Variants in MGP observed in about 807,000 individuals in gnomAD.
MGP encodes the protein cell growth-inhibiting gene 36 protein.
Under a neutral mutation model 14.5 loss-of-function variants are expected in MGP, and 13 were observed. That is an observed-to-expected ratio of 0.89 (90% CI 0.58 to 1.42). MGP has a LOEUF of 1.42. Ranked by LOEUF, MGP falls within the 40% of genes most tolerant of loss-of-function variation. The pLI, the probability that MGP is intolerant of heterozygous loss-of-function variation, is 0.00. For synonymous variants in MGP, 44 were observed against 46.3 expected, an observed-to-expected ratio of 0.95 and a Z score of 0.20; for missense variants, 128 against 133.7, an observed-to-expected ratio of 0.96 and a Z score of 0.21.
intron 1 of MGP, chr12:14,884,800 G>A: frequency 6.5e-7 from 1 of 1,530,306 alleles, no homozygotes. Flanking sequence ...ACTAGCTCCA[G>A]CTGACAGCTC....
intron 1 of MGP, 72 bp downstream of exon 1, chr12:14,885,659 A>T (rs950317984): frequency 9.0e-6 from 10 of 1,114,566 alleles, no homozygotes; most frequent in Non-Finnish European, 1.4e-5. Flanking sequence ...GAGGAGGGAG[A>T]GGAAAAATAG....
chr12:14,885,035 T>C, intron 1 of MGP: 1 of 548,448 alleles, frequency 1.8e-6, no homozygotes. Flanking sequence ...AGCATAATCT[T>C]TATGGTTGTT....
intron 2 of MGP, 161 bp downstream of exon 2, chr12:14,884,052 G>T: frequency 3.6e-6 from 2 of 548,404 alleles, no homozygotes; most frequent in Non-Finnish European, 3.1e-6. Flanking sequence ...TTGCTCCTTT[G>T]GCAATTTTTA....
chr12:14,884,897 G>A, intron 1 of MGP: 1 of 1,529,864 alleles, frequency 6.5e-7, no homozygotes, highest in South Asian at 1.2e-5. Context: ...CCTGAGCACA[G>A]CAGATAAATT....
chr12:14,884,112 T>C lies in MGP; in HGVS notation c.94+101A>G, dbSNP rs570989229. 1.1e-4 allele frequency: 112 copies of C among 980,286 alleles called. 2 individuals carry two copies. The South Asian group carries it at 1.9e-3, about 17-fold the overall frequency. The allele number at this position is 980,286 out of a possible 1,614,324, so 60.7% of individuals were successfully genotyped here. A position where few individuals can be genotyped will look rare whatever the true frequency, so the allele number is the denominator to read the frequency against. On this transcript the variant is annotated intron_variant, in intron 2 of 3. Transcript: ENST00000539261. Reference sequence around the variant, plus strand: ...TTTAGTTTTCCAAAAGAGGCCCCCTTTTCCCTCCCTGTTATATATCTTTCC... The same window carrying C: ...TTTAGTTTTCCAAAAGAGGCCCCCTCTTCCCTCCCTGTTATATATCTTTCC...
chr12:14,885,296 A>C lies in MGP; in HGVS notation c.61+435T>G, dbSNP rs537247384. Among the ~76,000 whole-genome samples, 9 of 152,382 alleles carry C rather than the reference A, an allele frequency of 5.9e-5. No individual in the cohort carries two copies. In the East Asian group the frequency reaches 1.7e-3, roughly 29 times the overall value. On this transcript the variant is annotated intron_variant, in intron 1 of 3. Transcript: ENST00000539261. The stretch of plus-strand genomic sequence containing the variant: ...TTAACTGAACAAACATAGTAAGTTC[A>C]TGAGATTGTCCAGTCCCTAGAAAGG...
chr12:14,884,050 T>C (rs1863411825), intron 2 of MGP, 163 bp downstream of exon 2: 1 of 544,152 alleles, frequency 1.8e-6, no homozygotes, highest in African/African-American at 1.9e-5. Flanking sequence ...AATTGCTCCT[T>C]TGGCAATTTT....
intron 2 of MGP, 42 bp downstream of exon 2, chr12:14,884,171 T>A: frequency 1.4e-6 from 2 of 1,404,116 alleles, no homozygotes; most frequent in Non-Finnish European, 2.0e-6. Flanking sequence ...AGAGGTTCTT[T>A]AATGCAAGGG....
At position 14,881,050 on chromosome 12, in the gene MGP, T is replaced by G. The variant is rs1223226545; in HGVS notation, c.*1089A>C. 1 of 152,012 alleles carries G rather than the reference T, an allele frequency of 6.6e-6. No individual in the cohort carries two copies. The highest frequency in any genetic ancestry group is 1.5e-5 in the Non-Finnish European group (1 of 68,000). 9.4% of individuals were successfully genotyped at this position (152,012 alleles called of 1,614,324 possible). A position where few individuals can be genotyped will look rare whatever the true frequency, so the allele number is the denominator to read the frequency against. On this transcript the variant is annotated 3_prime_UTR_variant, in exon 4 of 4. Coordinates refer to ENST00000539261, the MANE Select transcript of MGP (RefSeq NM_000900.5). The stretch of plus-strand genomic sequence containing the variant: ...AAGAATAAAAACAAGCATACAAAAC[T>G]TAAAGAATCCTGCAGACCTGAACTA...
At chr12:14,884,597 T>C (rs1489274737) in intron 1 of MGP, among the ~76,000 whole-genome samples, 1 of 152,192 alleles carries the variant, frequency 6.6e-6, no homozygotes, top group Non-Finnish European at 1.5e-5. Flanking sequence ...CCAGAGAACC[T>C]TCTTCTCTGA....
rs4236 is a variant in MGP, at chr12:14,882,147, T to C, written c.304A>G (p.Thr102Ala). 0.39 allele frequency: 627,701 copies of C among 1,613,474 alleles called. 125,847 individuals carry two copies. The highest frequency in any genetic ancestry group is 0.53 in the African/African-American group (39,973 of 74,834). The change falls in exon 4 of 4, where the codon ACC (threonine) becomes GCC (alanine). Residue 102 changes from threonine to alanine, a missense_variant. By Grantham distance (58) the Thr-to-Ala change is moderately conservative. Transcript: ENST00000539261. The part of the protein sequence containing the change: ...YNRYFRKRRG[T>A]K ...TTTTTCTTCCCTCAGTCTCATTTGG[T>C]CCCTCGGCGCTTCCTGAAGTAGCGA...
In MGP at chr12:14,883,067, A is replaced by G. The variant is rs1243391507; in HGVS notation, c.95-20T>C. 1 of 1,556,912 alleles carries G rather than the reference A, an allele frequency of 6.4e-7. No individual in the cohort carries two copies. The highest frequency in any genetic ancestry group is 8.9e-7 in the Non-Finnish European group (1 of 1,128,082). ...AGGGATCTTAGAACAGAAAATAAAT[A>G]AATGCAGTTTTAGCGACACATAGCT... On this transcript the variant is annotated intron_variant, in intron 2 of 3. Transcript: ENST00000539261.
rs1225908902 is a variant in MGP at position 14,885,778 on chromosome 12, A to T, written c.14T>A (p.Ile5Asn). Residue 5 changes from isoleucine to asparagine, a missense_variant, in exon 1 of 4, where the codon ATC becomes AAC. Physicochemically the swap from Ile to Asn is moderately radical, Grantham distance 149. Transcript: ENST00000539261. MKSL[I>N]LLAILAALAV... is the part of the protein sequence containing the mutation. ...TAAGGCGGCCAGGATGGCAAGAAGG[A>T]TCAGGCTCTTCATGGTTTCGTCCTG... The T allele has an allele frequency of 2.8e-5, 45 of 1,613,726 alleles. No individual in the cohort carries two copies. Among genetic ancestry groups the T allele is most frequent in the Non-Finnish European group, 3.8e-5 (45 of 1,179,772 alleles).
At chr12:14,884,848 A>C (rs1487438872) in intron 1 of MGP, 1 of 1,535,358 alleles carries the variant, frequency 6.5e-7, no homozygotes, top group Non-Finnish European at 8.7e-7. Context: ...GAGAACTGAA[A>C]CGATATCAAA....
chr12:14,882,041 G>T lies in MGP; in HGVS notation c.*98C>A. 7.0e-7 allele frequency: 1 copy of T among 1,431,956 alleles called. No homozygotes were observed. 88.7% of individuals were successfully genotyped at this position (1,431,956 alleles called of 1,614,324 possible). On this transcript the variant is annotated 3_prime_UTR_variant, in exon 4 of 4. Coordinates refer to ENST00000539261, the MANE Select transcript of MGP (RefSeq NM_000900.5). ...AGAGAATATACAGGAAAGAAGCATT[G>T]TATATAAGCCTATGTATTTCTGTAA...
Position 14,882,980 on chromosome 12 carries a change from G to T in MGP, c.162C>A (p.Val54=). The change falls in exon 3 of 4, where the codon GTC becomes GTA. Residue 54 remains valine, a synonymous_variant. Coordinates refer to ENST00000539261, the MANE Select transcript of MGP (RefSeq NM_000900.5). The part of the protein sequence containing the change: ...ISPQQRWRAK[V]QERIRERSKP... ...GAAGTTTTGTTACTGACCTCTCTTGGACTTTAGCTCTCCATCTCTGCTGAG... is the reference window on the plus strand; with the variant it reads ...GAAGTTTTGTTACTGACCTCTCTTGTACTTTAGCTCTCCATCTCTGCTGAG... 6.2e-7 allele frequency: 1 copy of T among 1,611,038 alleles called. No homozygotes were observed. Among genetic ancestry groups the T allele is most frequent in the Non-Finnish European group, 8.5e-7 (1 of 1,177,410 alleles).
At chr12:14,882,647 ACT>A (rs1863391891) in intron 3 of MGP, among the ~76,000 whole-genome samples, 1 of 150,364 alleles carries the variant, frequency 6.7e-6, no homozygotes, top group Admixed American at 6.7e-5. Context: ...ACAGAGTGAG[ACT>A]CTGTCTCAGA....
In MGP at chr12:14,884,212, C is replaced by T. The variant is rs111320759; in HGVS notation, c.94+1G>A. On this transcript the variant is annotated splice_donor_variant, in intron 2 of 3. Transcript: ENST00000539261. LOFTEE classifies it high-confidence loss of function. ...AATAAAGAAGTTAAATATTCACTTA[C>T]TAAGTTCATAAGATTCCATGCTTTC... The T allele has an allele frequency of 6.8e-7, 1 of 1,461,188 alleles. No individual in the cohort carries two copies. 90.5% of individuals were successfully genotyped at this position (1,461,188 alleles called of 1,614,324 possible). A position where few individuals can be genotyped will look rare whatever the true frequency, so the allele number is the denominator to read the frequency against.
In MGP at chr12:14,881,313, CTTA is replaced by C. The variant is rs1461806977; in HGVS notation, c.*823_*825del. ...CACTGTGCCTGGCCCGGGATATTTT[CTTA>C]TTATCTAAACTTTAAAAGAAATTAT... is the stretch of plus-strand genomic sequence containing the variant. On this transcript the variant is annotated 3_prime_UTR_variant, in exon 4 of 4. Coordinates refer to ENST00000539261, the MANE Select transcript of MGP (RefSeq NM_000900.5). 1.3e-5 allele frequency: 2 copies of C among 151,984 alleles called. 1 individual carries two copies. The highest frequency in any genetic ancestry group is 2.9e-5 in the Non-Finnish European group (2 of 68,014). 9.4% of individuals were successfully genotyped at this position (151,984 alleles called of 1,614,324 possible).
Sources: gnomAD v4.1 joint callset for allele counts (sites outside exome capture counted in the v4.1 genomes callset) on GRCh38, gnomAD v4.1.1 for gene constraint, MANE v1.5 for transcripts, NCBI Gene and HGNC (gene_info 2026-07-23, HGNC 2026-07-21) for gene names.